Variants in IGF2BP2 observed in about 807,000 individuals in gnomAD.
IGF2BP2 encodes the protein insulin like growth factor 2 mRNA binding protein 2.
A neutral mutation model predicts 75.8 loss-of-function variants in IGF2BP2; 17 were observed. That is an observed-to-expected ratio of 0.22 (90% CI 0.15 to 0.34). The LOEUF is 0.34. Ranked by LOEUF, IGF2BP2 falls within the 10% of genes least tolerant of loss-of-function variation. IGF2BP2 has a pLI of 1.00. For missense variants in IGF2BP2, 516 were observed against 772.4 expected (o/e 0.67, Z 3.93); for synonymous variants, 288 against 295.6 (o/e 0.97, Z 0.26).
At chr3:185,701,624 C>T (rs570075414) in intron 2 of IGF2BP2, among the ~76,000 whole-genome samples, 1 of 152,270 alleles carries the variant, frequency 6.6e-6, no homozygotes, top group Non-Finnish European at 1.5e-5. Flanking sequence ...ATGGCATTTC[C>T]CTGTAATAGT....
At chr3:185,670,009 A>T (rs905804246) in intron 10 of IGF2BP2, among the ~76,000 whole-genome samples, 1 of 152,208 alleles carries the variant, frequency 6.6e-6, no homozygotes, top group African/African-American at 2.4e-5. Flanking sequence ...CTGCAGCTGC[A>T]TGAAGGAGAT....
At chr3:185,667,277 A>T (rs889980341) in intron 10 of IGF2BP2, among the ~76,000 whole-genome samples, 2 of 139,962 alleles carry the variant, frequency 1.4e-5, no homozygotes, top group Admixed American at 1.4e-4. Flanking sequence ...TGAATTGCAG[A>T]CATACACAAT....
rs114361392 is a variant in IGF2BP2 at position 185,720,238 on chromosome 3, A to G, written c.240-21891T>C. On this transcript the variant is annotated intron_variant, in intron 2 of 15. Transcript: ENST00000382199. ...GATATATCCAGTGCTATGCTGGTAA[A>G]TATTTAAAAAACGGCTCTTGCAGGG... 6.6e-3 allele frequency among the ~76,000 whole-genome samples: 1,001 copies of G among 152,366 alleles called. 8 individuals carry two copies. The highest frequency in any genetic ancestry group is 0.023 in the African/African-American group (964 of 41,584).
At chr3:185,778,506 C>A (rs1027007307) in intron 2 of IGF2BP2, among the ~76,000 whole-genome samples, 4 of 152,206 alleles carry the variant, frequency 2.6e-5, no homozygotes, top group Non-Finnish European at 5.9e-5. Flanking sequence ...TCAGGATTAA[C>A]TGATTTGCCC....
intron 2 of IGF2BP2, among the ~76,000 whole-genome samples, chr3:185,770,858 C>T (rs1733776552): frequency 6.6e-6 from 1 of 152,170 alleles, no homozygotes; most frequent in African/African-American, 2.4e-5. Flanking sequence ...TGAAGTAATC[C>T]TCCCACCTCA....
intron 2 of IGF2BP2, among the ~76,000 whole-genome samples, chr3:185,773,970 C>T (rs1442501148): frequency 6.6e-6 from 1 of 152,200 alleles, no homozygotes; most frequent in African/African-American, 2.4e-5. Context: ...CCCTCCCTTC[C>T]TGGAAGTCCT....
intron 2 of IGF2BP2, among the ~76,000 whole-genome samples, chr3:185,722,831 A>G (rs183764072): frequency 6.6e-6 from 1 of 152,210 alleles, no homozygotes; most frequent in Admixed American, 6.5e-5. Flanking sequence ...GTACACATAT[A>G]TATGTGCTAT....
intron 2 of IGF2BP2, among the ~76,000 whole-genome samples, chr3:185,727,815 C>T (rs1168730979): frequency 6.6e-6 from 1 of 152,092 alleles, no homozygotes; most frequent in Non-Finnish European, 1.5e-5. Flanking sequence ...TACTGGCAGC[C>T]CATTTTACAC....
chr3:185,671,553 A>G (rs1301503912), intron 10 of IGF2BP2, among the ~76,000 whole-genome samples: 1 of 149,020 alleles, frequency 6.7e-6, no homozygotes, highest in Non-Finnish European at 1.5e-5. Context: ...AAAAAAAAAG[A>G]AAAAGAAAAA....
At position 185,767,185 on chromosome 3, in the gene IGF2BP2, A is replaced by C. The variant is rs113900249; in HGVS notation, c.239+55968T>G. 2.1e-3 allele frequency among the ~76,000 whole-genome samples: 322 copies of C among 152,316 alleles called. 3 individuals are homozygous for C. The highest frequency in any genetic ancestry group is 7.4e-3 in the African/African-American group (308 of 41,568). On this transcript the variant is annotated intron_variant, in intron 2 of 15. Coordinates refer to ENST00000382199, the MANE Select transcript of IGF2BP2 (RefSeq NM_006548.6). ...AGACCAGTTCTGCAGACTATCAAGAAGCTCCACCTGCAGCCTGTTTCTTCA... is the reference window on the plus strand; with the variant it reads ...AGACCAGTTCTGCAGACTATCAAGACGCTCCACCTGCAGCCTGTTTCTTCA...
chr3:185,774,157 A>G (rs1294124773), intron 2 of IGF2BP2, among the ~76,000 whole-genome samples: 1 of 152,168 alleles, frequency 6.6e-6, no homozygotes, highest in Non-Finnish European at 1.5e-5. Flanking sequence ...ACTCCAGTTC[A>G]TACAATTGAG....
At chr3:185,708,424 A>G (rs1488357065) in intron 2 of IGF2BP2, among the ~76,000 whole-genome samples, 2 of 152,162 alleles carry the variant, frequency 1.3e-5, no homozygotes, top group Non-Finnish European at 2.9e-5. Flanking sequence ...AAACATCTCC[A>G]GGAAGGGTTA....
intron 2 of IGF2BP2, among the ~76,000 whole-genome samples, chr3:185,739,547 G>A (rs563646250): frequency 4.6e-5 from 7 of 152,166 alleles, no homozygotes; most frequent in African/African-American, 1.4e-4. Flanking sequence ...ACCACCTGCC[G>A]GAATGCAGCT....
At chr3:185,728,334 T>C (rs1021483086) in intron 2 of IGF2BP2, 25 of 152,302 alleles carry the variant, frequency 1.6e-4, no homozygotes, top group African/African-American at 5.3e-4. Flanking sequence ...GTGGCAAGAG[T>C]TGGTAGGTTA....
In IGF2BP2 at chr3:185,675,922, G is replaced by C. The variant is rs1719270411; in HGVS notation, c.813-9C>G. ...GAGGAATCTCTTCGGCTCTAAAAGAGACAAGCAGCAAGTTAACACTTCAGA... is the reference window on the plus strand; with the variant it reads ...GAGGAATCTCTTCGGCTCTAAAAGACACAAGCAGCAAGTTAACACTTCAGA... On this transcript the variant is annotated splice_polypyrimidine_tract_variant and intron_variant, in intron 7 of 15. Transcript: ENST00000382199. The C allele has an allele frequency of 6.2e-7, 1 of 1,613,464 alleles. No homozygotes were observed. Among genetic ancestry groups the C allele is most frequent in the Non-Finnish European group, 8.5e-7 (1 of 1,179,772 alleles).
chr3:185,746,160 T>C (rs1375054345), intron 2 of IGF2BP2, among the ~76,000 whole-genome samples: 1 of 152,124 alleles, frequency 6.6e-6, no homozygotes, highest in Non-Finnish European at 1.5e-5. Flanking sequence ...CCCCAACACA[T>C]ATATACAAAT....
At chr3:185,763,030 A>G (rs1732586232) in intron 2 of IGF2BP2, among the ~76,000 whole-genome samples, 1 of 152,210 alleles carries the variant, frequency 6.6e-6, no homozygotes, top group South Asian at 2.1e-4. Flanking sequence ...ATTCATTAGA[A>G]TCACCTGTAT....
chr3:185,672,566 G>C lies in IGF2BP2; in HGVS notation c.1175C>G (p.Pro392Arg), dbSNP rs1718686459. 1.2e-6 allele frequency: 2 copies of C among 1,613,408 alleles called. No homozygotes were observed. The highest frequency in any genetic ancestry group is 1.1e-5 in the South Asian group (1 of 90,962). The change falls in exon 10 of 16, where the codon CCC (proline) becomes CGC (arginine). Residue 392 changes from proline (P) to arginine (R), a missense_variant. Around this residue, in one of 3 missense-constraint regions of IGF2BP2, gnomAD observed 75 missense variants for 67.4 expected, o/e 1.11. Transcript: ENST00000382199. ...SPPAGPRGAP[P>R]AAPYHPFTTH... ...AGTGAAGGGGTGGTAGGGGGCAGCG[G>C]GGGGAGCTCCGCGGGGCCCTGCTGG...
At chr3:185,672,798 C>A (rs1408271666) in intron 9 of IGF2BP2, 129 bp from the exon 10 acceptor site, 2 of 1,003,014 alleles carry the variant, frequency 2.0e-6, no homozygotes, top group African/African-American at 3.3e-5. Context: ...GCTCTTCCTA[C>A]CCTGTATCAG....
Sources: allele counts gnomAD v4.1 joint callset (sites outside exome capture counted in the v4.1 genomes callset), GRCh38; gene constraint gnomAD v4.1.1; regional missense constraint gnomAD v4.1.1; transcripts MANE v1.5; gene names NCBI Gene and HGNC (gene_info 2026-07-23, HGNC 2026-07-21).